The following FANCD2 variants were observed in gnomAD, a reference collection of about 807,000 sequenced individuals.
The protein encoded by FANCD2 is Fanconi anemia group D2 protein.
Under a neutral mutation model 192.3 loss-of-function variants are expected in FANCD2, and 131 were observed. The ratio of observed to expected loss-of-function variants is 0.68; its 90% CI spans 0.59 to 0.79. The LOEUF is 0.79. Among genes scored for constraint, FANCD2 ranks in the 30% least tolerant of loss-of-function variants. The probability of loss-of-function intolerance (pLI) is 0.00; values close to 1 mark genes in which losing one functional copy is unlikely to be tolerated. For missense variants in FANCD2, 1,508 were observed against 1,701.6 expected (o/e 0.89, Z 2.00); for synonymous variants, 524 against 612.5 (o/e 0.86, Z 2.13).
chr3:10,055,233 T>G (rs1212852376), intron 18 of FANCD2, among the ~76,000 whole-genome samples: 2 of 152,158 alleles, frequency 1.3e-5, no homozygotes, highest in Non-Finnish European at 2.9e-5. Context: ...TTAAGTATAT[T>G]CACAATGTTA....
intron 26 of FANCD2, among the ~76,000 whole-genome samples, chr3:10,071,025 A>G (rs1205076773): frequency 2.0e-5 from 3 of 148,788 alleles, no homozygotes; most frequent in African/African-American, 7.4e-5. Flanking sequence ...TAGGAAAACC[A>G]GAGACCTTTG....
At chr3:10,064,254 G>A (rs2087650413) in intron 21 of FANCD2, 102 bp from the exon 22 acceptor site, 1 of 888,248 alleles carries the variant, frequency 1.1e-6, no homozygotes, top group Admixed American at 1.8e-5. Flanking sequence ...TTTCTTTTTA[G>A]AAATGAGGGA....
chr3:10,034,324 CAAA>C (rs879221957), intron 3 of FANCD2, 142 bp from the exon 4 acceptor site: 3,838 of 408,158 alleles, frequency 9.4e-3, no homozygotes, highest in East Asian at 0.014. Context: ...AACTCCATCT[CAAA>C]AAAAAAAAAA....
chr3:10,088,681 A>T, intron 35 of FANCD2, 139 bp downstream of exon 35: 1 of 1,095,550 alleles, frequency 9.1e-7, no homozygotes, highest in South Asian at 1.3e-5. Context: ...CACAATTTGG[A>T]ACATGTGGAT....
At chr3:10,092,351 TC>T (rs1694669799) in intron 38 of FANCD2, 99 bp downstream of exon 38, 1 of 905,364 alleles carries the variant, frequency 1.1e-6, no homozygotes, top group Non-Finnish European at 1.8e-6. Flanking sequence ...TTCCCACTCT[TC>T]CTTGGGGCCT....
intron 34 of FANCD2, among the ~76,000 whole-genome samples, chr3:10,087,719 C>T (rs889295744): frequency 6.6e-6 from 1 of 151,986 alleles, no homozygotes; most frequent in Admixed American, 6.6e-5. Context: ...GCGATGTTGG[C>T]TCACTGCAAT....
At position 10,070,039 on chromosome 3, in the gene FANCD2, ATCGT is replaced by A. The variant is rs1235486891; in HGVS notation, c.2494+2723_2494+2726del. Among the ~76,000 whole-genome samples the A allele has an allele frequency of 4.9e-3, 582 of 118,978 alleles. 5 individuals carry two copies. The highest frequency in any genetic ancestry group is 0.013 in the Middle Eastern group (2 of 150). 78.1% of individuals were successfully genotyped at this position (118,978 alleles called of 152,430 possible). A position where few individuals can be genotyped will look rare whatever the true frequency, so the allele number is the denominator to read the frequency against. ...GAGGAGCGTCTCTGCCCGGCCACCCATCGTCTGAGATGTGGGGAGCGCCTCTGCC... is the reference window on the plus strand; with the variant it reads ...GAGGAGCGTCTCTGCCCGGCCACCCACTGAGATGTGGGGAGCGCCTCTGCC... On this transcript the variant is annotated intron_variant, in intron 26 of 43. Transcript: ENST00000675286.
At chr3:10,071,947 ATGG>A (rs1054513772) in intron 26 of FANCD2, among the ~76,000 whole-genome samples, 4 of 99,062 alleles carry the variant, frequency 4.0e-5, no homozygotes, top group African/African-American at 2.1e-4. Context: ...TTTGGTGCAG[ATGG>A]GGTTTCACCG....
rs376442786 is a variant in FANCD2, at chr3:10,078,030, C to T, written c.2860-51C>T. ...ACAAAAAAGAAAGAAAAAAAATTAT[C>T]ATGAAATGACTAGGACATTCCTGGA... On this transcript the variant is annotated intron_variant, in intron 29 of 43. Transcript: ENST00000675286. The T allele has an allele frequency of 2.4e-5, 30 of 1,261,570 alleles. No homozygotes were observed. In the East Asian group the frequency reaches 6.7e-4, roughly 28 times the overall value. The allele number at this position is 1,261,570 out of a possible 1,614,324, so 78.1% of individuals were successfully genotyped here.
chr3:10,051,412 A>AG (rs2087209662), intron 17 of FANCD2, among the ~76,000 whole-genome samples: 1 of 11,448 alleles, frequency 8.7e-5, no homozygotes, highest in African/African-American at 4.3e-4. Context: ...AAAAAACAAA[A>AG]AGGAGTGAGG....
chr3:10,080,379 A>G (rs1232094818), intron 30 of FANCD2, among the ~76,000 whole-genome samples: 4 of 152,190 alleles, frequency 2.6e-5, no homozygotes, highest in African/African-American at 7.2e-5. Flanking sequence ...GACCACAGGC[A>G]TGTGCCACCG....
Position 10,094,276 on chromosome 3 carries a change from C to T in FANCD2, c.3889-13C>T. 5.0e-6 allele frequency: 8 copies of T among 1,610,836 alleles called. No individual in the cohort carries two copies. The highest frequency in any genetic ancestry group is 6.8e-6 in the Non-Finnish European group (8 of 1,177,044). On this transcript the variant is annotated splice_polypyrimidine_tract_variant and intron_variant, in intron 39 of 43. Transcript: ENST00000675286. Reference sequence around the variant, plus strand: ...ACCTCAGCTAGAGGTAACAGTGTGTCTCTCTTCTTCAGTATGGGCGTCTCT... The same window carrying T: ...ACCTCAGCTAGAGGTAACAGTGTGTTTCTCTTCTTCAGTATGGGCGTCTCT...
chr3:10,037,019 T>TC (rs1023137746), intron 7 of FANCD2, among the ~76,000 whole-genome samples: 27 of 151,610 alleles, frequency 1.8e-4, no homozygotes, highest in Non-Finnish European at 7.4e-5. Context: ...TGGTTTTTTT[T>TC]TTTTTGGTAG....
intron 35 of FANCD2, 139 bp from the exon 36 acceptor site, chr3:10,088,689 G>T: frequency 6.3e-6 from 7 of 1,111,206 alleles, no homozygotes; most frequent in Non-Finnish European, 9.5e-6. Flanking sequence ...GGAACATGTG[G>T]ATCTTAAGAT....
chr3:10,085,495 G>T (rs540430464), intron 32 of FANCD2, among the ~76,000 whole-genome samples: 12 of 151,090 alleles, frequency 7.9e-5, no homozygotes, highest in African/African-American at 2.7e-4. Context: ...GAGTTCTAGC[G>T]ATTCTTCTGC....
intron 35 of FANCD2, 47 bp from the exon 36 acceptor site, chr3:10,088,781 A>G (rs1481963615): frequency 3.7e-6 from 6 of 1,601,828 alleles, no homozygotes; most frequent in African/African-American, 1.3e-5. Flanking sequence ...CTGTAGTTGT[A>G]TTCTACTTTG....
intron 25 of FANCD2, 86 bp downstream of exon 25, chr3:10,066,065 G>A: frequency 1.2e-6 from 1 of 850,288 alleles, no homozygotes; most frequent in South Asian, 1.4e-5. Flanking sequence ...CTCCCTAGAA[G>A]TCTTCACCAA....
chr3:10,053,318 A>G (rs2087273469), intron 18 of FANCD2, among the ~76,000 whole-genome samples: 1 of 151,344 alleles, frequency 6.6e-6, no homozygotes, highest in Non-Finnish European at 1.5e-5. Context: ...CATAGGTGGG[A>G]ATTGAACAGT....
intron 26 of FANCD2, among the ~76,000 whole-genome samples, chr3:10,068,018 A>G (rs780208317): frequency 3.3e-5 from 5 of 152,204 alleles, no homozygotes; most frequent in Non-Finnish European, 7.3e-5. Flanking sequence ...ATAGATCCAT[A>G]GCTACTATTA....
Sources: gnomAD v4.1 joint callset for allele counts (sites outside exome capture counted in the v4.1 genomes callset) on GRCh38, gnomAD v4.1.1 for gene constraint, MANE v1.5 for transcripts, NCBI Gene and HGNC (gene_info 2026-07-23, HGNC 2026-07-21) for gene names.